The following CHLSN variants were observed in gnomAD, a reference collection of about 807,000 sequenced individuals.
The protein encoded by CHLSN is cholesin, also known as protein cholesin.
the CHLSN span, among the ~76,000 whole-genome samples, chr7:1,013,031 G>A: frequency 3.3e-5 from 5 of 152,206 alleles, no homozygotes; most frequent in South Asian, 4.1e-4. Flanking sequence ...CACAGGCCGC[G>A]GCAGGTCGTG....
the CHLSN span, among the ~76,000 whole-genome samples, chr7:1,041,708 C>G: frequency 6.6e-6 from 1 of 152,168 alleles, no homozygotes; most frequent in East Asian, 1.9e-4. Flanking sequence ...GTGATCAGCA[C>G]GGCACACACT....
At chr7:1,063,031 G>A in the CHLSN span, among the ~76,000 whole-genome samples, 1 of 152,140 alleles carries the variant, frequency 6.6e-6, no homozygotes, top group Non-Finnish European at 1.5e-5. Flanking sequence ...GCTTTGCCAA[G>A]CCTGAGCGTG....
chr7:1,132,998 T>G, the CHLSN span, among the ~76,000 whole-genome samples: 2 of 152,136 alleles, frequency 1.3e-5, no homozygotes, highest in South Asian at 2.1e-4. Context: ...CACGGCAGTA[T>G]GTGCCTAATA....
chr7:978,921 GTGGC>G, the CHLSN span, among the ~76,000 whole-genome samples: 27 of 152,372 alleles, frequency 1.8e-4, no homozygotes, highest in Middle Eastern at 3.4e-3. Context: ...GATGGCACAC[GTGGC>G]TGGCAGGCAG....
the CHLSN span, chr7:1,092,148 C>T: frequency 5.6e-6 from 9 of 1,613,594 alleles, no homozygotes; most frequent in Non-Finnish European, 7.6e-6. Context: ...TGCAGGTCAA[C>T]ATGTACAGCA....
chr7:1,058,033 C>A, the CHLSN span: 2 of 769,222 alleles, frequency 2.6e-6, no homozygotes, highest in African/African-American at 3.4e-5. Context: ...CATGTGTCCA[C>A]CCGCGCGCTA....
chr7:1,082,575 A>G, the CHLSN span, among the ~76,000 whole-genome samples: 1 of 152,216 alleles, frequency 6.6e-6, no homozygotes, highest in Non-Finnish European at 1.5e-5. Context: ...ACTCTCACCC[A>G]AGACCCAAAG....
the CHLSN span, among the ~76,000 whole-genome samples, chr7:1,112,312 G>A: frequency 4.2e-3 from 647 of 152,346 alleles, 2 homozygotes; most frequent in African/African-American, 0.014. Context: ...AGCAGGCTGA[G>A]AAAGCCCAGC....
chr7:1,095,633 A>T, the CHLSN span, among the ~76,000 whole-genome samples: 1 of 152,192 alleles, frequency 6.6e-6, no homozygotes, highest in African/African-American at 2.4e-5. Flanking sequence ...ACCCACACGG[A>T]ACGTGGTCTG....
the CHLSN span, among the ~76,000 whole-genome samples, chr7:993,661 A>T: frequency 6.6e-6 from 1 of 152,168 alleles, no homozygotes; most frequent in African/African-American, 2.4e-5. Context: ...CTGTGTTCCC[A>T]GCTACTCAGG....
At chr7:1,027,799 T>C in the CHLSN span, among the ~76,000 whole-genome samples, 1 of 152,194 alleles carries the variant, frequency 6.6e-6, no homozygotes. Context: ...ACACAGGCCC[T>C]CTCAAGGGTC....
the CHLSN span, chr7:987,493 G>C: frequency 6.5e-7 from 1 of 1,546,542 alleles, no homozygotes; most frequent in Non-Finnish European, 8.7e-7. Context: ...CCGCTGCACC[G>C]CGGCCGACAC....
At chr7:1,046,200 C>T in the CHLSN span, among the ~76,000 whole-genome samples, 1 of 152,134 alleles carries the variant, frequency 6.6e-6, no homozygotes, top group Admixed American at 6.5e-5. Context: ...AGGGGCTCCT[C>T]AGGGAGCTGC....
At chr7:1,028,306 G>T in the CHLSN span, 1 of 1,048,746 alleles carries the variant, frequency 9.5e-7, no homozygotes, top group Non-Finnish European at 1.2e-6. Flanking sequence ...GCCGGGGCAG[G>T]GATGCGCCCG....
the CHLSN span, among the ~76,000 whole-genome samples, chr7:985,994 G>A: frequency 6.6e-6 from 1 of 152,138 alleles, no homozygotes; most frequent in African/African-American, 2.4e-5. Context: ...CTGCCTGCTG[G>A]TGGAGCCAGG....
the CHLSN span, among the ~76,000 whole-genome samples, chr7:1,108,989 A>C: frequency 7.0e-6 from 1 of 143,598 alleles, no homozygotes; most frequent in African/African-American, 2.7e-5. Context: ...TCTGCTTCCC[A>C]GGTTCAAGCG....
the CHLSN span, among the ~76,000 whole-genome samples, chr7:1,005,763 G>A: frequency 1.3e-5 from 2 of 152,248 alleles, no homozygotes; most frequent in Admixed American, 6.5e-5. Context: ...CACGGCAGGA[G>A]TGACTTGCTC....
the CHLSN span, chr7:986,737 C>T: frequency 6.2e-7 from 1 of 1,609,298 alleles, no homozygotes; most frequent in Non-Finnish European, 8.5e-7. Flanking sequence ...CGCGGAGGCC[C>T]CACGTGTGCC....
At chr7:1,064,381 C>T in the CHLSN span, among the ~76,000 whole-genome samples, 1 of 152,036 alleles carries the variant, frequency 6.6e-6, no homozygotes, top group Non-Finnish European at 1.5e-5. Context: ...TTACCTTGCT[C>T]CAGGGACTCT....
Sources: allele counts gnomAD v4.1 joint callset (sites outside exome capture counted in the v4.1 genomes callset), GRCh38; gene constraint gnomAD v4.1.1; transcripts MANE v1.5; gene names NCBI Gene and HGNC (gene_info 2026-07-23, HGNC 2026-07-21).